Variants in NKAP observed in about 807,000 individuals in gnomAD.
NKAP encodes NF-kappa-B-activating protein.
Under a neutral mutation model 35.6 loss-of-function variants are expected in NKAP, and 4 were observed. That is an observed-to-expected ratio of 0.11 (90% CI 0.06 to 0.26). NKAP has a LOEUF of 0.26. Among genes scored for constraint, NKAP ranks in the 10% least tolerant of loss-of-function variants. The probability of loss-of-function intolerance (pLI) is 1.00; values close to 1 mark genes in which losing one functional copy is unlikely to be tolerated. For synonymous variants in NKAP, 106 were observed against 119.2 expected, an observed-to-expected ratio of 0.89 and a Z score of 0.72; for missense variants, 238 against 321.9, an observed-to-expected ratio of 0.74 and a Z score of 1.99.
rs1214924807 is a variant in NKAP, at chrX:119,939,898, C to CA, written c.387-1089dup. On this transcript the variant is annotated intron_variant, in intron 1 of 8. Coordinates refer to ENST00000371410, the MANE Select transcript of NKAP (RefSeq NM_024528.4). ...TGGGAGACAGAGCGAGACTCCGTCT[C>CA]AAAAAAAAAAAAGAGGTCTTGCTTT... Among the ~76,000 whole-genome samples, 556 of 92,727 alleles carry CA rather than the reference C, an allele frequency of 6.0e-3. 3 individuals are homozygous for CA. The highest frequency in any genetic ancestry group is 0.017 in the African/African-American group (448 of 25,899). The allele number at this position is 92,727 out of a possible 115,157, so 80.5% of individuals were successfully genotyped here.
In NKAP at chrX:119,923,201, ACT is replaced by A. The variant is rs1377597060; in HGVS notation, c.*2017_*2018del. On this transcript the variant is annotated 3_prime_UTR_variant, in exon 9 of 9. Transcript: ENST00000371410. ...GCTCCAGCCTGAGTGACAGAGTGAG[ACT>A]CTATCTCAAAAAACAAAAAACAGAA... is the stretch of plus-strand genomic sequence containing the variant. 1.8e-5 allele frequency: 2 copies of A among 111,222 alleles called. No homozygotes were observed. The highest frequency in any genetic ancestry group is 6.5e-5 in the African/African-American group (2 of 30,613). The allele number at this position is 111,222 out of a possible 1,213,427, so 9.2% of individuals were successfully genotyped here.
chrX:119,927,782 T>C (rs1603379614), intron 8 of NKAP, among the ~76,000 whole-genome samples: 1 of 112,717 alleles, frequency 8.9e-6, no homozygotes, highest in African/African-American at 3.2e-5. Context: ...TGGCTATTCT[T>C]GTCCTTTTAG....
chrX:119,929,258 G>A (rs779626654), intron 8 of NKAP, among the ~76,000 whole-genome samples: 1 of 111,684 alleles, frequency 9.0e-6, no homozygotes, highest in East Asian at 2.8e-4. Context: ...GTCCTCCAAT[G>A]CAATGCTTCA....
At chrX:119,939,568 C>T (rs1246400251) in intron 1 of NKAP, among the ~76,000 whole-genome samples, 2 of 111,646 alleles carry the variant, frequency 1.8e-5, no homozygotes, top group South Asian at 3.7e-4. Flanking sequence ...GCCACTGCAC[C>T]GGGCCCGAAA....
At position 119,924,811 on chromosome X, in the gene NKAP, C is replaced by T. The variant is rs194294; in HGVS notation, c.*409G>A. The T allele has an allele frequency of 0.14, 18,351 of 127,362 alleles. 1,265 individuals carry two copies. The highest frequency in any genetic ancestry group is 0.33 in the South Asian group (1,198 of 3,670). The allele number at this position is 127,362 out of a possible 1,213,427, so 10.5% of individuals were successfully genotyped here. On this transcript the variant is annotated 3_prime_UTR_variant, in exon 9 of 9. Transcript: ENST00000371410. Reference sequence around the variant, plus strand: ...AAGCAATTCTCCTGCCTCTTCCTCTCGAGTAGCTGGGACTACAGGTGTGCG... The same window carrying T: ...AAGCAATTCTCCTGCCTCTTCCTCTTGAGTAGCTGGGACTACAGGTGTGCG...
At chrX:119,939,535 A>G (rs1005101512) in intron 1 of NKAP, among the ~76,000 whole-genome samples, 11 of 111,334 alleles carry the variant, frequency 9.9e-5, no homozygotes, top group Non-Finnish European at 1.7e-4. Flanking sequence ...GATCCACCTC[A>G]GTTGCTGGGA....
chrX:119,943,182 T>C, intron 1 of NKAP, 38 bp downstream of exon 1: 5 of 1,148,058 alleles, frequency 4.4e-6, no homozygotes, highest in Non-Finnish European at 5.8e-6. Flanking sequence ...CAAAGGCACG[T>C]AGGCTCGTAC....
At chrX:119,943,196 A>G (rs772109699) in intron 1 of NKAP, 24 bp downstream of exon 1, 2 of 1,157,048 alleles carry the variant, frequency 1.7e-6, no homozygotes, top group Admixed American at 2.7e-5. Context: ...CTCGTACAAG[A>G]GAAAGTGCGG....
At chrX:119,929,825 A>C (rs1357771960) in intron 8 of NKAP, among the ~76,000 whole-genome samples, 191 bp downstream of exon 8, 1 of 112,376 alleles carries the variant, frequency 8.9e-6, no homozygotes, top group Non-Finnish European at 1.9e-5. Context: ...TTTGAGGCTG[A>C]GTTGCATATA....
At chrX:119,939,569 G>A (rs1015007678) in intron 1 of NKAP, among the ~76,000 whole-genome samples, 18 of 110,450 alleles carry the variant, frequency 1.6e-4, no homozygotes, top group African/African-American at 5.6e-4. Context: ...CCACTGCACC[G>A]GGCCCGAAAT....
intron 8 of NKAP, among the ~76,000 whole-genome samples, chrX:119,927,312 C>T (rs1044333000): frequency 2.1e-4 from 23 of 108,773 alleles, no homozygotes; most frequent in African/African-American, 7.0e-4. Context: ...ACTGAAGTTC[C>T]ATACGTGTAT....
At chrX:119,934,697 T>C in intron 4 of NKAP, 140 bp from the exon 5 acceptor site, 2 of 390,810 alleles carry the variant, frequency 5.1e-6, no homozygotes, top group Non-Finnish European at 8.7e-6. Flanking sequence ...TATTGCTATT[T>C]GTCACGAACT....
intron 8 of NKAP, among the ~76,000 whole-genome samples, chrX:119,926,485 T>C (rs1348571107): frequency 1.8e-5 from 2 of 108,482 alleles, no homozygotes; most frequent in Non-Finnish European, 3.8e-5. Flanking sequence ...CATGCTGGTT[T>C]CGAACTCCTG....
intron 1 of NKAP, among the ~76,000 whole-genome samples, chrX:119,940,213 C>T (rs761126079): frequency 9.1e-6 from 1 of 109,918 alleles, no homozygotes; most frequent in Admixed American, 9.7e-5. Context: ...GTGGCATGTG[C>T]CTGTAGTCCC....
intron 8 of NKAP, among the ~76,000 whole-genome samples, chrX:119,925,947 A>ATTTTTTTTTTTTT (rs1238211722): frequency 5.7e-5 from 3 of 52,397 alleles, no homozygotes; most frequent in Non-Finnish European, 1.0e-4. Context: ...TTTTTTTTTA[A>ATTTTTTTTTTTTT]TTTTTTTTTT....
intron 1 of NKAP, among the ~76,000 whole-genome samples, chrX:119,939,426 A>G (rs59948937): frequency 0.14 from 14,993 of 110,090 alleles, 1,406 homozygotes; most frequent in African/African-American, 0.34. Flanking sequence ...AGCCGGGATT[A>G]CAGGCATGCG....
In NKAP at chrX:119,926,855, G is replaced by A. The variant is rs186567941; in HGVS notation, c.1074-1461C>T. ...GCAGGCAGGTCACCTGAGGTCAGGA[G>A]TTTAAGACCAGCCTGGCCAACGTGG... On this transcript the variant is annotated intron_variant, in intron 8 of 8. Coordinates refer to ENST00000371410, the MANE Select transcript of NKAP (RefSeq NM_024528.4). Among the ~76,000 whole-genome samples the A allele has an allele frequency of 4.6e-3, 484 of 105,533 alleles. 5 individuals are homozygous for A. Among genetic ancestry groups the A allele is most frequent in the Non-Finnish European group, 5.2e-3 (267 of 51,360 alleles). 91.6% of individuals were successfully genotyped at this position (105,533 alleles called of 115,157 possible). A position where few individuals can be genotyped will look rare whatever the true frequency, so the allele number is the denominator to read the frequency against.
chrX:119,926,735 CT>C (rs2056716268), intron 8 of NKAP, among the ~76,000 whole-genome samples: 1 of 110,140 alleles, frequency 9.1e-6, no homozygotes, highest in Admixed American at 9.8e-5. Context: ...ATGGAACTTC[CT>C]TCAAGGTTCT....
chrX:119,931,854 G>A (rs962566917), intron 7 of NKAP, 82 bp downstream of exon 7: 1 of 718,405 alleles, frequency 1.4e-6, no homozygotes, highest in African/African-American at 2.2e-5. Flanking sequence ...TAAGGGAATA[G>A]AGTCAGATAA....
Sources: allele counts gnomAD v4.1 joint callset (sites outside exome capture counted in the v4.1 genomes callset), GRCh38; gene constraint gnomAD v4.1.1; transcripts MANE v1.5; gene names NCBI Gene and HGNC (gene_info 2026-07-23, HGNC 2026-07-21).